The following CALCR variants were observed in gnomAD, a reference collection of about 807,000 sequenced individuals.
The protein encoded by CALCR is calcitonin receptor.
A neutral mutation model predicts 59.5 loss-of-function variants in CALCR; 47 were observed. That is an observed-to-expected ratio of 0.79 (90% CI 0.63 to 1.01). CALCR has a LOEUF of 1.01. CALCR is among the 50% of genes least tolerant of loss of function. The pLI, the probability that CALCR is intolerant of heterozygous loss-of-function variation, is 0.00. For synonymous variants in CALCR, 213 were observed against 211.3 expected, an observed-to-expected ratio of 1.01 and a Z score of -0.07; for missense variants, 566 against 597.1, an observed-to-expected ratio of 0.95 and a Z score of 0.54.
chr7:93,528,453 G>A (rs1029163883), intron 2 of CALCR, among the ~76,000 whole-genome samples: 9 of 152,036 alleles, frequency 5.9e-5, no homozygotes, highest in South Asian at 4.1e-4. Flanking sequence ...ACAGGCCCCG[G>A]TGTGTGATGT....
At chr7:93,463,985 T>G (rs1800391718) in intron 7 of CALCR, among the ~76,000 whole-genome samples, 1 of 152,034 alleles carries the variant, frequency 6.6e-6, no homozygotes, top group African/African-American at 2.4e-5. Context: ...TACAACATAA[T>G]CTACCAATCA....
rs78903584 is a variant in CALCR at position 93,459,845 on chromosome 7, G to A, written c.648+976C>T. 2.3e-3 allele frequency among the ~76,000 whole-genome samples: 345 copies of A among 152,276 alleles called. 1 individual carries two copies. The highest frequency in any genetic ancestry group is 3.8e-3 in the Non-Finnish European group (257 of 68,020). The stretch of plus-strand genomic sequence containing the variant: ...ATGGTTCTCAGTAATGGAGCTAAAT[G>A]ATTTCAGCTCTCCTGTTCTCTATAG... On this transcript the variant is annotated intron_variant, in intron 8 of 13. Transcript: ENST00000426151.
chr7:93,426,021 T>C lies in CALCR; in HGVS notation c.*335A>G, dbSNP rs1370218073. On this transcript the variant is annotated 3_prime_UTR_variant, in exon 14 of 14. Coordinates refer to ENST00000426151, the MANE Select transcript of CALCR (RefSeq NM_001742.4). ...GATTTTAATATTTCAAAGGTATAAA[T>C]GGCTCAGTATTGACAAGGAGCACCC... is the stretch of plus-strand genomic sequence containing the variant. 1 of 189,232 alleles carries C rather than the reference T, an allele frequency of 5.3e-6. No individual in the cohort carries two copies. Among genetic ancestry groups the C allele is most frequent in the African/African-American group, 2.3e-5 (1 of 42,984 alleles). 11.7% of individuals were successfully genotyped at this position (189,232 alleles called of 1,614,324 possible).
rs901599975 is a variant in CALCR, at chr7:93,434,387, A to G, written c.1150-93T>C. 144 of 668,828 alleles carry G rather than the reference A, an allele frequency of 2.2e-4. 15 individuals are homozygous for G. The highest frequency in any genetic ancestry group is 1.5e-5 in the Non-Finnish European group (6 of 399,438). The allele number at this position is 668,828 out of a possible 1,614,324, so 41.4% of individuals were successfully genotyped here. A position where few individuals can be genotyped will look rare whatever the true frequency, so the allele number is the denominator to read the frequency against. ...TAATAGACTGCCCAGAGAAGGCCTG[A>G]TGAAAAAAAAAAAAAGCAAGAAAAA... On this transcript the variant is annotated intron_variant, in intron 12 of 13. Coordinates refer to ENST00000426151, the MANE Select transcript of CALCR (RefSeq NM_001742.4).
intron 2 of CALCR, among the ~76,000 whole-genome samples, chr7:93,510,722 A>G (rs1213160254): frequency 1.3e-5 from 2 of 151,938 alleles, no homozygotes; most frequent in African/African-American, 4.8e-5. Flanking sequence ...AAGTTTTTTA[A>G]AATTAGCTAG....
chr7:93,468,705 G>A lies in CALCR; in HGVS notation c.521+10C>T. ...AGGAAATAAAGAGCAGATGCTGTGA[G>A]TGTACTTACCTGAAAAACACGAAAA... is the stretch of plus-strand genomic sequence containing the variant. On this transcript the variant is annotated intron_variant, in intron 7 of 13. Transcript: ENST00000426151. 1.3e-6 allele frequency: 2 copies of A among 1,571,616 alleles called. No individual in the cohort carries two copies. Among genetic ancestry groups the A allele is most frequent in the Non-Finnish European group, 1.7e-6 (2 of 1,143,176 alleles).
intron 2 of CALCR, among the ~76,000 whole-genome samples, chr7:93,566,624 C>T (rs1372040835): frequency 6.6e-6 from 1 of 152,156 alleles, no homozygotes; most frequent in Non-Finnish European, 1.5e-5. Context: ...CCAGCTCTGC[C>T]ACTCAGAGAT....
intron 4 of CALCR, 116 bp downstream of exon 4, chr7:93,479,238 C>G: frequency 9.6e-7 from 1 of 1,039,368 alleles, no homozygotes; most frequent in Non-Finnish European, 1.4e-6. Context: ...AGTGTGAAAA[C>G]TGCTGTGAAA....
chr7:93,553,412 T>C (rs937762810), intron 2 of CALCR, among the ~76,000 whole-genome samples: 4 of 152,162 alleles, frequency 2.6e-5, no homozygotes, highest in Non-Finnish European at 5.9e-5. Context: ...AGATCACTTG[T>C]TACATGAACG....
intron 2 of CALCR, among the ~76,000 whole-genome samples, chr7:93,488,307 C>T (rs553733093): frequency 1.1e-4 from 16 of 151,680 alleles, no homozygotes; most frequent in African/African-American, 3.9e-4. Context: ...CAAAAACACA[C>T]CAAAATATAA....
At chr7:93,439,294 C>T (rs1799848946) in intron 9 of CALCR, among the ~76,000 whole-genome samples, 1 of 152,102 alleles carries the variant, frequency 6.6e-6, no homozygotes, top group African/African-American at 2.4e-5. Context: ...TAATGTTTGG[C>T]CTGAAATAAT....
intron 8 of CALCR, among the ~76,000 whole-genome samples, chr7:93,451,362 A>G (rs1407568642): frequency 1.3e-5 from 2 of 151,968 alleles, no homozygotes; most frequent in East Asian, 3.9e-4. Context: ...TCGCCACTGA[A>G]GTCCTATTTA....
At chr7:93,547,503 A>C (rs1789321398) in intron 2 of CALCR, among the ~76,000 whole-genome samples, 1 of 152,144 alleles carries the variant, frequency 6.6e-6, no homozygotes, top group South Asian at 2.1e-4. Flanking sequence ...GTCCATGAAA[A>C]CCACATTTGT....
chr7:93,499,733 T>C (rs1157631514), intron 2 of CALCR, among the ~76,000 whole-genome samples: 1 of 151,834 alleles, frequency 6.6e-6, no homozygotes, highest in African/African-American at 2.4e-5. Context: ...CTTTCACAAA[T>C]ACTGATGAAT....
intron 3 of CALCR, among the ~76,000 whole-genome samples, chr7:93,482,319 G>T (rs968494706): frequency 2.0e-5 from 3 of 151,730 alleles, no homozygotes; most frequent in African/African-American, 7.3e-5. Context: ...ATTTATTTTA[G>T]ATTCTTCTTT....
intron 8 of CALCR, among the ~76,000 whole-genome samples, chr7:93,453,521 C>A (rs572599822): frequency 6.6e-6 from 1 of 151,976 alleles, no homozygotes; most frequent in Non-Finnish European, 1.5e-5. Context: ...CATACCCTAA[C>A]GGAGTGTGCA....
chr7:93,450,448 A>T (rs769862555), intron 8 of CALCR, among the ~76,000 whole-genome samples: 24 of 151,992 alleles, frequency 1.6e-4, no homozygotes, highest in Non-Finnish European at 2.6e-4. Flanking sequence ...AAGACTACAC[A>T]CAAGTATATA....
At chr7:93,548,872 GTGTGTGTC>G (rs1194090598) in intron 2 of CALCR, among the ~76,000 whole-genome samples, 56 of 78,890 alleles carry the variant, frequency 7.1e-4, no homozygotes, top group Non-Finnish European at 9.4e-4. Flanking sequence ...GTGTGTGTGT[GTGTGTGTC>G]TGTGTGTGTG....
At chr7:93,453,709 G>A (rs1432148913) in intron 8 of CALCR, among the ~76,000 whole-genome samples, 1 of 151,964 alleles carries the variant, frequency 6.6e-6, no homozygotes, top group Non-Finnish European at 1.5e-5. Context: ...GATTTCATGT[G>A]TAGAGGTACC....
Sources: gnomAD v4.1 joint callset for allele counts (sites outside exome capture counted in the v4.1 genomes callset) on GRCh38, gnomAD v4.1.1 for gene constraint, MANE v1.5 for transcripts, NCBI Gene and HGNC (gene_info 2026-07-23, HGNC 2026-07-21) for gene names.